Variants in VTI1A observed in about 807,000 individuals in gnomAD.
The protein encoded by VTI1A is vesicle transport through interaction with t-SNAREs 1A.
VTI1A carries 22 observed loss-of-function variants against 34.9 expected under a neutral mutation model. The observed-to-expected ratio is 0.63, with a 90% CI of 0.45 to 0.90. The LOEUF (loss-of-function observed/expected upper bound fraction) is 0.90, where lower values mean the gene tolerates loss of function less well. Ranked by LOEUF, VTI1A falls within the 40% of genes least tolerant of loss-of-function variation. The pLI is 0.00. For synonymous variants in VTI1A, 87 were observed against 97.3 expected (o/e 0.89, Z 0.62); for missense variants, 268 against 275.6 (o/e 0.97, Z 0.20).
intron 5 of VTI1A, among the ~76,000 whole-genome samples, chr10:112,554,356 C>T (rs918265741): frequency 2.6e-5 from 4 of 152,134 alleles, no homozygotes; most frequent in Non-Finnish European, 5.9e-5. Flanking sequence ...AGAAAAAGGA[C>T]ATTGTGCAAA....
chr10:112,778,595 G>T (rs1282424062), intron 7 of VTI1A, among the ~76,000 whole-genome samples: 1 of 152,192 alleles, frequency 6.6e-6, no homozygotes, highest in African/African-American at 2.4e-5. Context: ...CTATGGCAAA[G>T]GTAAAACTTG....
At chr10:112,546,989 T>G (rs1003038575) in intron 5 of VTI1A, among the ~76,000 whole-genome samples, 1 of 152,176 alleles carries the variant, frequency 6.6e-6, no homozygotes, top group Admixed American at 6.5e-5. Flanking sequence ...TTATCTAATT[T>G]TAAACTGCAG....
intron 7 of VTI1A, among the ~76,000 whole-genome samples, chr10:112,694,095 A>G (rs1284233672): frequency 3.3e-5 from 5 of 152,000 alleles, no homozygotes; most frequent in Admixed American, 1.3e-4. Context: ...AATCCCAGCT[A>G]CTCGGGAGGC....
chr10:112,624,755 A>T (rs1845859056), intron 5 of VTI1A, among the ~76,000 whole-genome samples: 1 of 152,206 alleles, frequency 6.6e-6, no homozygotes. Flanking sequence ...CTGCCAAATA[A>T]TCACAAGATT....
At chr10:112,496,760 A>C (rs185367801) in intron 3 of VTI1A, among the ~76,000 whole-genome samples, 1 of 152,328 alleles carries the variant, frequency 6.6e-6, no homozygotes, top group African/African-American at 2.4e-5. Context: ...GCTGCTGACA[A>C]AGGACTGTTT....
At chr10:112,831,154 T>G in the VTI1A span, 2 of 151,994 alleles carry the variant, frequency 1.3e-5, no homozygotes, top group Non-Finnish European at 2.9e-5. Context: ...ACATAGTGAG[T>G]TCTCAGTAGA....
intron 1 of VTI1A, chr10:112,450,794 G>A: frequency 6.6e-6 from 1 of 152,052 alleles, no homozygotes; most frequent in East Asian, 1.9e-4. Flanking sequence ...ATACCCTATG[G>A]CACTATATTT....
intron 7 of VTI1A, among the ~76,000 whole-genome samples, chr10:112,705,071 GT>G (rs11294730): frequency 0.18 from 25,367 of 140,372 alleles, 4,431 homozygotes; most frequent in African/African-American, 0.45. Flanking sequence ...AAGTTTTTAA[GT>G]TTTTTTTTTT....
chr10:112,542,121 A>G (rs747092104), intron 5 of VTI1A, among the ~76,000 whole-genome samples: 4 of 152,194 alleles, frequency 2.6e-5, no homozygotes, highest in Non-Finnish European at 5.9e-5. Context: ...TGAAATGATG[A>G]TTCTTCTTTT....
chr10:112,495,096 A>G (rs2134135614), intron 3 of VTI1A, among the ~76,000 whole-genome samples: 1 of 151,974 alleles, frequency 6.6e-6, no homozygotes, highest in South Asian at 2.1e-4. Context: ...AAGAGGCCTG[A>G]ATGTTTTACC....
chr10:112,815,697 G>T lies in VTI1A; in HGVS notation c.*314G>T. 3.0e-6 allele frequency: 1 copy of T among 334,988 alleles called. No individual in the cohort carries two copies. The highest frequency in any genetic ancestry group is 4.8e-5 in the South Asian group (1 of 20,660). 20.8% of individuals were successfully genotyped at this position (334,988 alleles called of 1,614,324 possible). On this transcript the variant is annotated 3_prime_UTR_variant, in exon 8 of 8. Coordinates refer to ENST00000393077, the MANE Select transcript of VTI1A (RefSeq NM_145206.4). ...GTGACACTCCTAGCCCTCTGGACGT[G>T]TCAAGGGCCGTGGTTTGGGAGAGGA...
chr10:112,676,538 C>G (rs1378433721), intron 7 of VTI1A, among the ~76,000 whole-genome samples: 2 of 152,220 alleles, frequency 1.3e-5, no homozygotes, highest in African/African-American at 4.8e-5. Context: ...CACAGAATGT[C>G]TTCCTTAGTC....
At chr10:112,683,936 A>G (rs1057159763) in intron 7 of VTI1A, among the ~76,000 whole-genome samples, 4 of 152,008 alleles carry the variant, frequency 2.6e-5, no homozygotes, top group Admixed American at 2.0e-4. Context: ...GCAGCTACTC[A>G]GGAGGCTGAG....
chr10:112,737,941 C>T, intron 7 of VTI1A: 1 of 978,858 alleles, frequency 1.0e-6, no homozygotes, highest in African/African-American at 1.7e-5. Flanking sequence ...CCTCTAGGCA[C>T]ATTTAGGCGG....
intron 7 of VTI1A, among the ~76,000 whole-genome samples, chr10:112,719,567 G>A (rs1018721107): frequency 2.3e-4 from 35 of 150,338 alleles, no homozygotes; most frequent in African/African-American, 8.0e-4. Context: ...TTTTTTTGAG[G>A]CAGAGATTTG....
At chr10:112,808,756 G>A (rs1853180522) in intron 7 of VTI1A, among the ~76,000 whole-genome samples, 1 of 152,144 alleles carries the variant, frequency 6.6e-6, no homozygotes, top group African/African-American at 2.4e-5. Flanking sequence ...ACAGCAGGAA[G>A]CAGGGGTTCA....
the VTI1A span, among the ~76,000 whole-genome samples, chr10:112,843,277 C>G: frequency 6.6e-6 from 1 of 152,202 alleles, no homozygotes; most frequent in Non-Finnish European, 1.5e-5. Flanking sequence ...AAGTGTGTGA[C>G]CATGATGCTA....
chr10:112,596,764 G>A (rs184320105), intron 5 of VTI1A, among the ~76,000 whole-genome samples: 1 of 151,974 alleles, frequency 6.6e-6, no homozygotes, highest in Non-Finnish European at 1.5e-5. Flanking sequence ...TTGCTTAACT[G>A]TAATTCTTTT....
intron 5 of VTI1A, among the ~76,000 whole-genome samples, chr10:112,625,497 G>A (rs890744842): frequency 2.6e-5 from 4 of 152,054 alleles, no homozygotes; most frequent in East Asian, 1.9e-4. Flanking sequence ...AAAATTAGCC[G>A]GGCATGGCGG....
Sources: gnomAD v4.1 joint callset for allele counts (sites outside exome capture counted in the v4.1 genomes callset) on GRCh38, gnomAD v4.1.1 for gene constraint, MANE v1.5 for transcripts, NCBI Gene and HGNC (gene_info 2026-07-23, HGNC 2026-07-21) for gene names.